Variants in JAZF1 observed in about 807,000 individuals in gnomAD.
JAZF1 encodes the protein JAZF zinc finger 1, also known as juxtaposed with another zinc finger protein 1.
Under a neutral mutation model 26.4 loss-of-function variants are expected in JAZF1, and 8 were observed. The ratio of observed to expected loss-of-function variants is 0.30; its 90% CI spans 0.18 to 0.55. JAZF1 has a LOEUF of 0.55. Among genes scored for constraint, JAZF1 ranks in the 20% least tolerant of loss-of-function variants. The probability of loss-of-function intolerance (pLI) is 0.94; values close to 1 mark genes in which losing one functional copy is unlikely to be tolerated. For synonymous variants in JAZF1, 126 were observed against 122.3 expected, an observed-to-expected ratio of 1.03 and a Z score of -0.20; for missense variants, 199 against 322.0, an observed-to-expected ratio of 0.62 and a Z score of 2.92.
intron 1 of JAZF1, among the ~76,000 whole-genome samples, chr7:28,106,265 G>T (rs1467146070): frequency 6.6e-6 from 1 of 151,938 alleles, no homozygotes; most frequent in Non-Finnish European, 1.5e-5. Flanking sequence ...CTTGCTTTTG[G>T]TATTGGTTTA....
chr7:28,034,912 C>T (rs1174984847), intron 1 of JAZF1, among the ~76,000 whole-genome samples: 1 of 152,106 alleles, frequency 6.6e-6, no homozygotes, highest in Admixed American at 6.6e-5. Flanking sequence ...TTTTTACTAT[C>T]CTGTATATTA....
chr7:28,026,534 T>C (rs956493965), intron 1 of JAZF1, among the ~76,000 whole-genome samples: 1 of 152,190 alleles, frequency 6.6e-6, no homozygotes, highest in Non-Finnish European at 1.5e-5. Flanking sequence ...GCAATGCTTC[T>C]AACGTATGTA....
chr7:27,956,811 GAGA>G (rs1413508823), intron 2 of JAZF1, among the ~76,000 whole-genome samples: 2 of 152,190 alleles, frequency 1.3e-5, no homozygotes, highest in Non-Finnish European at 2.9e-5. Flanking sequence ...ATGGCTGTCG[GAGA>G]AGAATATTTT....
intron 1 of JAZF1, among the ~76,000 whole-genome samples, chr7:28,005,444 G>A (rs1485689441): frequency 6.6e-6 from 1 of 151,384 alleles, no homozygotes; most frequent in African/African-American, 2.4e-5. Flanking sequence ...ACAGGAGAAA[G>A]AGCTGAACAT....
At chr7:27,920,960 T>A (rs1784519803) in intron 2 of JAZF1, among the ~76,000 whole-genome samples, 1 of 152,242 alleles carries the variant, frequency 6.6e-6, no homozygotes, top group African/African-American at 2.4e-5. Context: ...AATTAAGTCT[T>A]AATGCACAAA....
chr7:28,062,730 T>G (rs768695115), intron 1 of JAZF1, among the ~76,000 whole-genome samples: 1 of 152,226 alleles, frequency 6.6e-6, no homozygotes, highest in African/African-American at 2.4e-5. Context: ...TGCGTATTTT[T>G]CTTCAGCCTT....
chr7:27,946,159 T>C (rs1414967236), intron 2 of JAZF1, among the ~76,000 whole-genome samples: 1 of 152,216 alleles, frequency 6.6e-6, no homozygotes, highest in Non-Finnish European at 1.5e-5. Context: ...AAAAGCCTTT[T>C]TAACTTAATG....
At chr7:28,153,441 T>G (rs1402714712) in intron 1 of JAZF1, among the ~76,000 whole-genome samples, 1 of 152,172 alleles carries the variant, frequency 6.6e-6, no homozygotes, top group African/African-American at 2.4e-5. Context: ...ATAACCAGAT[T>G]GCAGGTTTTT....
At chr7:27,835,750 A>T (rs1349717835) in intron 4 of JAZF1, among the ~76,000 whole-genome samples, 1 of 152,220 alleles carries the variant, frequency 6.6e-6, no homozygotes, top group Non-Finnish European at 1.5e-5. Flanking sequence ...ACAAGACCAG[A>T]GGAGCTCTGA....
intron 2 of JAZF1, among the ~76,000 whole-genome samples, chr7:27,915,682 C>A (rs1257540689): frequency 6.6e-6 from 1 of 152,158 alleles, no homozygotes; most frequent in African/African-American, 2.4e-5. Flanking sequence ...TAACAACATG[C>A]TCATCCAAAA....
chr7:27,998,071 A>AAGGCAGGCAGGCAGGC (rs1554280810), intron 1 of JAZF1, among the ~76,000 whole-genome samples: 16,045 of 109,806 alleles, frequency 0.15, 1,906 homozygotes, highest in South Asian at 0.21. Context: ...GGAAGGAAGG[A>AAGGCAGGCAGGCAGGC]AGGCAGGCAG....
At chr7:27,874,240 G>A (rs1356208797) in intron 3 of JAZF1, among the ~76,000 whole-genome samples, 1 of 152,232 alleles carries the variant, frequency 6.6e-6, no homozygotes, top group Middle Eastern at 3.2e-3. Flanking sequence ...TGTGGCTGAA[G>A]GAGCTGAGGC....
At chr7:27,871,740 TA>T (rs1309540933) in intron 3 of JAZF1, among the ~76,000 whole-genome samples, 2 of 152,330 alleles carry the variant, frequency 1.3e-5, no homozygotes, top group Admixed American at 6.5e-5. Context: ...CTTCGAATGT[TA>T]ATTATATGAT....
chr7:28,151,215 T>G (rs1014925061), intron 1 of JAZF1, among the ~76,000 whole-genome samples: 2 of 151,764 alleles, frequency 1.3e-5, no homozygotes, highest in Non-Finnish European at 2.9e-5. Flanking sequence ...GTGATTCTCC[T>G]GCCCCAGCCT....
intron 3 of JAZF1, among the ~76,000 whole-genome samples, chr7:27,845,711 A>AAAAAAAAAAGAAAG (rs1554328474): frequency 7.3e-6 from 1 of 137,670 alleles, no homozygotes; most frequent in Non-Finnish European, 1.5e-5. Flanking sequence ...AAAAAAAAAA[A>AAAAAAAAAAGAAAG]AAAGAAAAGA....
intron 3 of JAZF1, among the ~76,000 whole-genome samples, chr7:27,852,207 C>G (rs1469524221): frequency 6.6e-6 from 1 of 151,786 alleles, no homozygotes; most frequent in Admixed American, 6.6e-5. Context: ...TCTGAGCTCA[C>G]TGCAACCTCC....
chr7:28,102,514 C>T (rs10245639), intron 1 of JAZF1, among the ~76,000 whole-genome samples: 136,528 of 152,044 alleles, frequency 0.9, 61,519 homozygotes, highest in East Asian at 0.99. Flanking sequence ...CAGGCACTAT[C>T]TGAGAAAAAA....
chr7:28,125,469 G>C (rs1782679650), intron 1 of JAZF1, among the ~76,000 whole-genome samples: 2 of 152,190 alleles, frequency 1.3e-5, no homozygotes, highest in African/African-American at 4.8e-5. Context: ...ATTATTAATT[G>C]GTTTCCTAGC....
At chr7:28,083,148 C>T (rs1784162805) in intron 1 of JAZF1, among the ~76,000 whole-genome samples, 1 of 152,160 alleles carries the variant, frequency 6.6e-6, no homozygotes, top group South Asian at 2.1e-4. Context: ...TGCCTGAACC[C>T]CCTCAATCCT....
Sources: allele counts gnomAD v4.1 joint callset (sites outside exome capture counted in the v4.1 genomes callset), GRCh38; gene constraint gnomAD v4.1.1; transcripts MANE v1.5; gene names NCBI Gene and HGNC (gene_info 2026-07-23, HGNC 2026-07-21).